The following ARL8B variants were observed in gnomAD, a reference collection of about 807,000 sequenced individuals.
The protein encoded by ARL8B is ARF like GTPase 8B, also known as ADP-ribosylation factor-like protein 8B.
ARL8B carries 9 observed loss-of-function variants against 30.6 expected under a neutral mutation model. The observed-to-expected ratio is 0.29, with a 90% confidence interval of 0.18 to 0.51. The LOEUF (loss-of-function observed/expected upper bound fraction) is 0.51. Among genes scored for constraint, ARL8B ranks in the 20% least tolerant of loss-of-function variants. The probability of loss-of-function intolerance (pLI) is 0.97; values close to 1 mark genes in which losing one functional copy is unlikely to be tolerated. For synonymous variants in ARL8B, 74 were observed against 76.0 expected (o/e 0.97, Z 0.14); for missense variants, 130 against 227.2 (o/e 0.57, Z 2.75).
chr3:5,125,812 C>T (rs540659512), intron 1 of ARL8B, among the ~76,000 whole-genome samples: 20 of 152,168 alleles, frequency 1.3e-4, no homozygotes, highest in African/African-American at 4.8e-4. Context: ...GGATTACAGG[C>T]GTGAGCCACT....
At chr3:5,128,738 G>A (rs1445779379) in intron 1 of ARL8B, among the ~76,000 whole-genome samples, 1 of 152,056 alleles carries the variant, frequency 6.6e-6, no homozygotes, top group South Asian at 2.1e-4. Flanking sequence ...ATAGTATAAG[G>A]TAGAAGAAGC....
intron 6 of ARL8B, among the ~76,000 whole-genome samples, chr3:5,175,361 A>G (rs1285067737): frequency 1.3e-5 from 2 of 152,228 alleles, no homozygotes; most frequent in Non-Finnish European, 2.9e-5. Context: ...GGTTAAGATT[A>G]TGTGATACCA....
chr3:5,146,592 G>A (rs1277439077), intron 1 of ARL8B, among the ~76,000 whole-genome samples: 2 of 152,104 alleles, frequency 1.3e-5, no homozygotes, highest in East Asian at 3.9e-4. Flanking sequence ...GACACATAGG[G>A]ATTATTTTGT....
intron 1 of ARL8B, among the ~76,000 whole-genome samples, chr3:5,146,113 C>A (rs1046519375): frequency 6.6e-6 from 1 of 152,180 alleles, no homozygotes; most frequent in African/African-American, 2.4e-5. Context: ...TTCCGTGAAG[C>A]CTTCTTGCAG....
At chr3:5,159,806 C>A (rs1169535054) in intron 1 of ARL8B, among the ~76,000 whole-genome samples, 1 of 151,746 alleles carries the variant, frequency 6.6e-6, no homozygotes, top group South Asian at 2.1e-4. Flanking sequence ...TAGAAGGGCA[C>A]ACAATGACAA....
chr3:5,141,892 T>C (rs778670451), intron 1 of ARL8B, among the ~76,000 whole-genome samples: 2 of 152,218 alleles, frequency 1.3e-5, no homozygotes, highest in Non-Finnish European at 2.9e-5. Flanking sequence ...GTAGTTAATC[T>C]AGTTCACATT....
At chr3:5,173,887 TAC>T (rs2054701414) in intron 4 of ARL8B, 128 bp from the exon 5 acceptor site, 1 of 749,580 alleles carries the variant, frequency 1.3e-6, no homozygotes, top group South Asian at 1.5e-5. Context: ...AGCCACCAGT[TAC>T]ACAAATAGGC....
intron 1 of ARL8B, among the ~76,000 whole-genome samples, chr3:5,138,955 T>C (rs904605159): frequency 2.0e-5 from 3 of 152,208 alleles, no homozygotes; most frequent in African/African-American, 4.8e-5. Flanking sequence ...CATGGCATTC[T>C]CTGCAGCCAC....
chr3:5,123,956 C>T (rs935718676), intron 1 of ARL8B, among the ~76,000 whole-genome samples: 3 of 152,198 alleles, frequency 2.0e-5, no homozygotes, highest in African/African-American at 7.2e-5. Flanking sequence ...TCACTGCAAC[C>T]TCCACCTCCC....
chr3:5,171,501 C>T (rs2054675557), intron 2 of ARL8B, among the ~76,000 whole-genome samples: 1 of 152,036 alleles, frequency 6.6e-6, no homozygotes, highest in Non-Finnish European at 1.5e-5. Flanking sequence ...CACCTGCCAC[C>T]ACACCTGGCT....
chr3:5,143,744 A>G (rs1403298792), intron 1 of ARL8B, among the ~76,000 whole-genome samples: 1 of 152,340 alleles, frequency 6.6e-6, no homozygotes, highest in Non-Finnish European at 1.5e-5. Context: ...TGAACTCAAG[A>G]GGAAGAGTTT....
chr3:5,138,667 A>G (rs547769652), intron 1 of ARL8B, among the ~76,000 whole-genome samples: 1 of 152,320 alleles, frequency 6.6e-6, no homozygotes, highest in Non-Finnish European at 1.5e-5. Context: ...TGCACCTGCC[A>G]CACTCCCCAC....
Position 5,127,412 on chromosome 3 carries a change from G to A in ARL8B, c.123+4824G>A, listed in dbSNP as rs146044913. On this transcript the variant is annotated intron_variant, in intron 1 of 6. Transcript: ENST00000256496. ...TTTTTGTATCGTATATGAAATGTTT[G>A]CTTTATAGAATAAGAAATACAGACG... Among the ~76,000 whole-genome samples, 294 of 152,224 alleles carry A rather than the reference G, an allele frequency of 1.9e-3. 1 individual carries two copies. The highest frequency in any genetic ancestry group is 6.5e-3 in the African/African-American group (268 of 41,540).
At chr3:5,164,843 C>T (rs1248124110) in intron 1 of ARL8B, among the ~76,000 whole-genome samples, 2 of 151,960 alleles carry the variant, frequency 1.3e-5, no homozygotes, top group South Asian at 2.1e-4. Flanking sequence ...GTCTCTTTAG[C>T]CTCTGTTAGT....
chr3:5,165,117 A>G (rs564150944), intron 1 of ARL8B, among the ~76,000 whole-genome samples: 1 of 152,294 alleles, frequency 6.6e-6, no homozygotes, highest in South Asian at 2.1e-4. Context: ...CCATTGTATA[A>G]TACTAGTTTT....
chr3:5,135,006 G>A (rs1318187937), intron 1 of ARL8B, among the ~76,000 whole-genome samples: 2 of 151,998 alleles, frequency 1.3e-5, no homozygotes, highest in African/African-American at 4.8e-5. Context: ...ACACCACCAC[G>A]CTTGGCTAAT....
intron 1 of ARL8B, among the ~76,000 whole-genome samples, chr3:5,155,600 T>C (rs916061458): frequency 6.6e-6 from 1 of 152,104 alleles, no homozygotes; most frequent in Non-Finnish European, 1.5e-5. Flanking sequence ...ATTTTTTTTT[T>C]CTTTCTCTGA....
chr3:5,127,447 C>T (rs1053662145), intron 1 of ARL8B, among the ~76,000 whole-genome samples: 1 of 152,096 alleles, frequency 6.6e-6, no homozygotes, highest in Non-Finnish European at 1.5e-5. Flanking sequence ...GTAATGAGTA[C>T]TGTGTGTCTC....
At chr3:5,147,468 C>T (rs1397588206) in intron 1 of ARL8B, among the ~76,000 whole-genome samples, 1 of 152,094 alleles carries the variant, frequency 6.6e-6, no homozygotes, top group African/African-American at 2.4e-5. Context: ...CTATTCAGGA[C>T]ATTCTCTTAA....
Sources: allele counts gnomAD v4.1 joint callset (sites outside exome capture counted in the v4.1 genomes callset), GRCh38; gene constraint gnomAD v4.1.1; transcripts MANE v1.5; gene names NCBI Gene and HGNC (gene_info 2026-07-23, HGNC 2026-07-21).